AIF1L: variants seen among roughly 807,000 people sequenced by gnomAD.
The protein encoded by AIF1L is allograft inflammatory factor 1 like, also known as allograft inflammatory factor 1-like.
In AIF1L, 12 loss-of-function variants were observed where a neutral mutation model predicts 20.7. That is an observed-to-expected ratio of 0.58 (90% CI 0.37 to 0.94). The LOEUF (loss-of-function observed/expected upper bound fraction) is 0.94. Among genes scored for constraint, AIF1L ranks in the 40% least tolerant of loss-of-function variants. The pLI is 0.01. For missense variants in AIF1L, 173 were observed against 185.3 expected, an observed-to-expected ratio of 0.93 and a Z score of 0.39; for synonymous variants, 76 against 65.1, an observed-to-expected ratio of 1.17 and a Z score of -0.81.
chr9:131,118,549 CTTT>C (rs111644082), intron 5 of AIF1L, among the ~76,000 whole-genome samples: 1 of 139,254 alleles, frequency 7.2e-6, no homozygotes, highest in African/African-American at 2.6e-5. Context: ...CTTAGTTTTC[CTTT>C]TTTTTTTTTT....
intron 2 of AIF1L, among the ~76,000 whole-genome samples, chr9:131,107,349 C>T (rs543577156): frequency 4.6e-5 from 7 of 152,342 alleles, no homozygotes; most frequent in African/African-American, 1.7e-4. Context: ...TGTCCTTCCA[C>T]TTGCACCCAT....
chr9:131,119,236 C>T (rs1831080256), intron 5 of AIF1L, among the ~76,000 whole-genome samples: 1 of 152,230 alleles, frequency 6.6e-6, no homozygotes, highest in Non-Finnish European at 1.5e-5. Flanking sequence ...TGCCCTGGCT[C>T]ACGCCTTTAA....
At chr9:131,116,636 T>C (rs1383982401) in intron 4 of AIF1L, among the ~76,000 whole-genome samples, 1 of 152,244 alleles carries the variant, frequency 6.6e-6, no homozygotes, top group Admixed American at 6.5e-5. Flanking sequence ...GATGCCTTTG[T>C]GTGGACCATT....
Position 131,120,827 on chromosome 9 carries a change from G to T in AIF1L, c.*505G>T. 1 of 425,038 alleles carries T rather than the reference G, an allele frequency of 2.4e-6. No homozygotes were observed. The allele number at this position is 425,038 out of a possible 1,614,324, so 26.3% of individuals were successfully genotyped here. A position where few individuals can be genotyped will look rare whatever the true frequency, so the allele number is the denominator to read the frequency against. Reference sequence around the variant, plus strand: ...GTGCTCTGGTGTCACCCAGGACACAGCCACTCGGGGCCCCGCTGCCCCAGC... The same window carrying T: ...GTGCTCTGGTGTCACCCAGGACACATCCACTCGGGGCCCCGCTGCCCCAGC... On this transcript the variant is annotated 3_prime_UTR_variant, in exon 6 of 6. Transcript: ENST00000247291.
chr9:131,111,832 G>C, intron 3 of AIF1L, 169 bp downstream of exon 3: 1 of 684,754 alleles, frequency 1.5e-6, no homozygotes, highest in Non-Finnish European at 2.4e-6. Context: ...TGAGAGGTGG[G>C]GAGAGGCCCC....
At chr9:131,106,085 A>T (rs1830740655) in intron 2 of AIF1L, 1 of 1,322,576 alleles carries the variant, frequency 7.6e-7, no homozygotes, top group African/African-American at 1.5e-5. Flanking sequence ...TCCTCAACAG[A>T]TGTTTATTGA....
intron 2 of AIF1L, among the ~76,000 whole-genome samples, chr9:131,098,493 T>C (rs1429119486): frequency 6.6e-6 from 1 of 152,050 alleles, no homozygotes; most frequent in African/African-American, 2.4e-5. Context: ...CCAGGCGGGT[T>C]CTGAGCTGGC....
At position 131,117,754 on chromosome 9, in the gene AIF1L, A is replaced by G; in HGVS notation, c.203-2A>G. The stretch of plus-strand genomic sequence containing the variant: ...TTAACAGATCTGCTTTTCCCCCGGC[A>G]GACCTGATGTCTTTAAAGAGGATGA... On this transcript the variant is annotated splice_acceptor_variant, in intron 4 of 5. Coordinates refer to ENST00000247291, the MANE Select transcript of AIF1L (RefSeq NM_031426.4). LOFTEE classifies it high-confidence loss of function. 1 of 1,606,094 alleles carries G rather than the reference A, an allele frequency of 6.2e-7. No individual in the cohort carries two copies. Among genetic ancestry groups the G allele is most frequent in the Non-Finnish European group, 8.5e-7 (1 of 1,176,630 alleles).
intron 2 of AIF1L, among the ~76,000 whole-genome samples, chr9:131,097,473 C>T (rs1178706840): frequency 6.6e-6 from 1 of 152,156 alleles, no homozygotes; most frequent in Non-Finnish European, 1.5e-5. Flanking sequence ...TGGTCTCCAG[C>T]CTCCCGCCTC....
rs532447072 is a variant in AIF1L, at chr9:131,104,107, C to T, written c.93+7244C>T. On this transcript the variant is annotated intron_variant, in intron 2 of 5. Coordinates refer to ENST00000247291, the MANE Select transcript of AIF1L (RefSeq NM_031426.4). ...GTGGGCTCAGCTGCCTGTGTGTCACCCCCCAGCTCCTGCCCGCTTGCATTT... is the reference window on the plus strand; with the variant it reads ...GTGGGCTCAGCTGCCTGTGTGTCACTCCCCAGCTCCTGCCCGCTTGCATTT... Among the ~76,000 whole-genome samples, 4 of 152,302 alleles carry T rather than the reference C, an allele frequency of 2.6e-5. No individual in the cohort carries two copies. In the East Asian group the frequency reaches 7.7e-4, roughly 29 times the overall value.
chr9:131,120,302 G>C lies in AIF1L; in HGVS notation c.433G>C (p.Asp145His). 1 of 1,613,620 alleles carries C rather than the reference G, an allele frequency of 6.2e-7. No homozygotes were observed. The highest frequency in any genetic ancestry group is 2.2e-5 in the East Asian group (1 of 44,838). ...GCCAGTTGGCCCCCCTCCAGAGAGA[G>C]ACATTGCTAGCCTGCCCTGAGGACC... ...PKPVGPPPER[D>H]IASLP The change falls in exon 6 of 6, where the codon GAC becomes CAC. Residue 145 changes from aspartate to histidine, a missense_variant. Physicochemically the swap from Asp to His is moderately conservative, Grantham distance 81. Transcript: ENST00000247291.
chr9:131,115,957 A>C (rs1317897874), intron 4 of AIF1L, among the ~76,000 whole-genome samples: 4 of 151,262 alleles, frequency 2.6e-5, no homozygotes, highest in Non-Finnish European at 5.9e-5. Context: ...CTAGGGGACA[A>C]GAGCAAGACT....
intron 2 of AIF1L, among the ~76,000 whole-genome samples, chr9:131,099,729 CTTTTTTT>C (rs5900920): frequency 1.8e-5 from 2 of 113,052 alleles, no homozygotes; most frequent in African/African-American, 6.7e-5. Context: ...TCAGCCTTAG[CTTTTTTT>C]TTTTTTTTTT....
At chr9:131,116,420 C>T (rs1037587788) in intron 4 of AIF1L, among the ~76,000 whole-genome samples, 2 of 152,102 alleles carry the variant, frequency 1.3e-5, no homozygotes, top group East Asian at 1.9e-4. Context: ...CGCACCACCA[C>T]GCCCGGCTAA....
At chr9:131,100,785 G>C (rs73658921) in intron 2 of AIF1L, among the ~76,000 whole-genome samples, 2,499 of 152,354 alleles carry the variant, frequency 0.016, 77 homozygotes, top group African/African-American at 0.058. Flanking sequence ...AGAGAAGCAG[G>C]AGTGGGGCTG....
chr9:131,099,354 G>C (rs1347308128), intron 2 of AIF1L, among the ~76,000 whole-genome samples: 2 of 152,246 alleles, frequency 1.3e-5, no homozygotes, highest in African/African-American at 4.8e-5. Flanking sequence ...GCTCTTTGCA[G>C]ACTGTGGGGG....
In AIF1L at chr9:131,106,335, G is replaced by A. The variant is rs73658927; in HGVS notation, c.94-5262G>A. The A allele has an allele frequency of 1.1e-3, 1,225 of 1,112,308 alleles. 7 individuals carry two copies. In the African/African-American group the frequency reaches 0.017, roughly 15 times the overall value. 68.9% of individuals were successfully genotyped at this position (1,112,308 alleles called of 1,614,324 possible). A position where few individuals can be genotyped will look rare whatever the true frequency, so the allele number is the denominator to read the frequency against. On this transcript the variant is annotated intron_variant, in intron 2 of 5. Transcript: ENST00000247291. ...CATGTTTATTGAGCGTCTGCTATGT[G>A]GAACCTACATTCTAGCCGGGGAGGC...
chr9:131,099,695 C>T (rs1242989783), intron 2 of AIF1L, among the ~76,000 whole-genome samples: 1 of 151,786 alleles, frequency 6.6e-6, no homozygotes, highest in Non-Finnish European at 1.5e-5. Context: ...TGGTGTAGGC[C>T]AGCTTCCAGA....
chr9:131,111,712 G>A (rs754583841), intron 3 of AIF1L, 49 bp downstream of exon 3: 2 of 1,574,272 alleles, frequency 1.3e-6, no homozygotes, highest in South Asian at 2.2e-5. Context: ...GAGGTGGGCT[G>A]GCCCCTCATC....
Sources: allele counts gnomAD v4.1 joint callset (sites outside exome capture counted in the v4.1 genomes callset), GRCh38; gene constraint gnomAD v4.1.1; transcripts MANE v1.5; gene names NCBI Gene and HGNC (gene_info 2026-07-23, HGNC 2026-07-21).